The following DOCK8 variants were observed in gnomAD, a reference collection of about 807,000 sequenced individuals.
DOCK8 encodes the protein dedicator of cytokinesis protein 8.
In DOCK8, 141 loss-of-function variants were observed where a neutral mutation model predicts 245.6. The observed-to-expected ratio is 0.57, with a 90% CI of 0.50 to 0.66. The LOEUF is 0.66. Among genes scored for constraint, DOCK8 ranks in the 30% least tolerant of loss-of-function variants. DOCK8 has a pLI of 0.00. For missense variants in DOCK8, 2,965 were observed against 2,603.4 expected (o/e 1.14, Z -3.02); for synonymous variants, 1,168 against 970.2 (o/e 1.20, Z -3.79).
chr9:396,244 A>G (rs186238316), intron 24 of DOCK8, among the ~76,000 whole-genome samples: 1 of 152,310 alleles, frequency 6.6e-6, no homozygotes, highest in African/African-American at 2.4e-5. Context: ...GGAGCAGAAG[A>G]TAACTGCTGG....
chr9:400,147 A>T (rs1376138368), intron 26 of DOCK8, among the ~76,000 whole-genome samples: 1 of 67,532 alleles, frequency 1.5e-5, no homozygotes. Flanking sequence ...CACCACCTCC[A>T]CCATCACCAC....
chr9:282,795 C>T lies in DOCK8; in HGVS notation c.157-3666C>T, dbSNP rs16928274. Among the ~76,000 whole-genome samples, 65 of 152,298 alleles carry T rather than the reference C, an allele frequency of 4.3e-4. No individual in the cohort carries two copies. In the East Asian group the frequency reaches 0.012, roughly 29 times the overall value. ...TGATGATTGCACACAAATGTCATAT[C>T]TCCATGAGGCTTCTACTCACTAGTT... On this transcript the variant is annotated intron_variant, in intron 2 of 47. Coordinates refer to ENST00000432829, the MANE Select transcript of DOCK8 (RefSeq NM_203447.4).
rs2056971548 is a variant in DOCK8, at chr9:438,301, G to A, written c.5080-944G>A. Among the ~76,000 whole-genome samples, 4 of 152,294 alleles carry A rather than the reference G, an allele frequency of 2.6e-5. No individual in the cohort carries two copies. In the South Asian group the frequency reaches 8.3e-4, roughly 32 times the overall value. ...TTAAGAATTTCGAGACTATGTCCAA[G>A]CTCTGGGGAAAAAGTGCTACAGTTG... On this transcript the variant is annotated intron_variant, in intron 39 of 47. Coordinates refer to ENST00000432829, the MANE Select transcript of DOCK8 (RefSeq NM_203447.4).
intron 14 of DOCK8, among the ~76,000 whole-genome samples, chr9:348,380 AT>A (rs1287449583): frequency 4.6e-5 from 7 of 152,326 alleles, no homozygotes; most frequent in African/African-American, 1.7e-4. Flanking sequence ...TCACAACTCC[AT>A]ACCACTCTCC....
At chr9:239,537 T>C (rs2047334554) in intron 1 of DOCK8, among the ~76,000 whole-genome samples, 1 of 152,180 alleles carries the variant, frequency 6.6e-6, no homozygotes, top group Admixed American at 6.5e-5. Context: ...AAGCAATTGA[T>C]CCTGAAGAAT....
chr9:297,987 G>A (rs895216214), intron 4 of DOCK8, among the ~76,000 whole-genome samples: 3 of 152,158 alleles, frequency 2.0e-5, no homozygotes, highest in Non-Finnish European at 2.9e-5. Context: ...CATTGACTGT[G>A]GGGTCCATGT....
At chr9:419,979 C>T in intron 30 of DOCK8, 1 of 267,704 alleles carries the variant, frequency 3.7e-6, no homozygotes, top group South Asian at 4.7e-5. Flanking sequence ...CAGCCAGTTT[C>T]CTTCTCCCCT....
chr9:344,605 G>A (rs2130960666), intron 14 of DOCK8, among the ~76,000 whole-genome samples: 1 of 152,054 alleles, frequency 6.6e-6, no homozygotes, highest in African/African-American at 2.4e-5. Context: ...TTTGTTCCTT[G>A]CCATCTCCCC....
At chr9:400,947 TCACCACCACCA>T (rs2055017101) in intron 26 of DOCK8, among the ~76,000 whole-genome samples, 1 of 28,552 alleles carries the variant, frequency 3.5e-5, no homozygotes, top group Non-Finnish European at 5.2e-5. Flanking sequence ...ACCACCACCA[TCACCACCACCA>T]CCACCACCTC....
intron 31 of DOCK8, 25 bp from the exon 32 acceptor site, chr9:420,924 G>A (rs754335834): frequency 5.0e-6 from 8 of 1,614,148 alleles, no homozygotes; most frequent in Non-Finnish European, 6.8e-6. Context: ...CAAAGGACAT[G>A]TCCTCCTACC....
At chr9:332,182 T>C (rs2051042091) in intron 9 of DOCK8, among the ~76,000 whole-genome samples, 1 of 152,220 alleles carries the variant, frequency 6.6e-6, no homozygotes, top group South Asian at 2.1e-4. Context: ...CTGCATTTGC[T>C]GAGTATCTAC....
intron 33 of DOCK8, among the ~76,000 whole-genome samples, chr9:426,435 C>G (rs1461336580): frequency 6.6e-6 from 1 of 152,182 alleles, no homozygotes; most frequent in East Asian, 1.9e-4. Context: ...CTAACCCAGC[C>G]GCATCACTGC....
chr9:227,289 T>A (rs183861909), intron 1 of DOCK8, among the ~76,000 whole-genome samples: 1 of 152,320 alleles, frequency 6.6e-6, no homozygotes, highest in East Asian at 1.9e-4. Context: ...TTTGGGGGGA[T>A]GATTTTTTAC....
intron 1 of DOCK8, among the ~76,000 whole-genome samples, chr9:226,216 G>T (rs1280695290): frequency 6.6e-6 from 1 of 152,172 alleles, no homozygotes; most frequent in East Asian, 1.9e-4. Flanking sequence ...AGGCAAGAGA[G>T]CGTGTGCAGG....
chr9:308,237 G>C (rs1586660916), intron 5 of DOCK8, among the ~76,000 whole-genome samples: 1 of 152,222 alleles, frequency 6.6e-6, no homozygotes, highest in East Asian at 1.9e-4. Flanking sequence ...AATGATAATT[G>C]AGGCAATGGG....
At chr9:348,789 A>C (rs1459658470) in intron 14 of DOCK8, among the ~76,000 whole-genome samples, 1 of 152,068 alleles carries the variant, frequency 6.6e-6, no homozygotes, top group African/African-American at 2.4e-5. Context: ...GCTTTGGGAA[A>C]CTGTTTAGTC....
At chr9:449,704 C>G in intron 44 of DOCK8, 80 bp from the exon 45 acceptor site, 1 of 1,590,882 alleles carries the variant, frequency 6.3e-7, no homozygotes, top group South Asian at 1.1e-5. Flanking sequence ...ATTCAGGTGG[C>G]CTCTCTGTCA....
At chr9:284,330 T>G (rs1433123584) in intron 2 of DOCK8, 2 of 152,308 alleles carry the variant, frequency 1.3e-5, no homozygotes, top group African/African-American at 4.8e-5. Context: ...CAGGCTGATC[T>G]CTGGCTCCTT....
chr9:343,784 G>A (rs904201173), intron 14 of DOCK8, among the ~76,000 whole-genome samples: 13 of 152,192 alleles, frequency 8.5e-5, no homozygotes, highest in African/African-American at 3.1e-4. Context: ...TATCTTTTTA[G>A]AAACTTTATC....
Sources: allele counts gnomAD v4.1 joint callset (sites outside exome capture counted in the v4.1 genomes callset), GRCh38; gene constraint gnomAD v4.1.1; transcripts MANE v1.5; gene names NCBI Gene and HGNC (gene_info 2026-07-23, HGNC 2026-07-21).